CHD6: variants seen among roughly 807,000 people sequenced by gnomAD.
The protein encoded by CHD6 is chromodomain helicase DNA binding protein 6, also known as ATP-dependent chromatin remodeler CHD6.
In CHD6, 50 loss-of-function variants were observed where a neutral mutation model predicts 276.9. That is an observed-to-expected ratio of 0.18 (90% CI 0.14 to 0.23). The LOEUF is 0.23. CHD6 is among the 10% of genes least tolerant of loss of function. The probability of loss-of-function intolerance (pLI) is 1.00; values close to 1 mark genes in which losing one functional copy is unlikely to be tolerated. For synonymous variants in CHD6, 1,173 were observed against 1,229.3 expected, an observed-to-expected ratio of 0.95 and a Z score of 0.96; for missense variants, 2,564 against 3,365.8, an observed-to-expected ratio of 0.76 and a Z score of 5.89.
At position 41,421,366 on chromosome 20, in the gene CHD6, C is replaced by T. The variant is rs762479281; in HGVS notation, c.5269G>A (p.Gly1757Ser). Reference protein sequence around the residue: ...SGGPEAEIASGPTFMGSLEAG... With the variant: ...SGGPEAEIASSPTFMGSLEAG... ...TCTAAGCTACCCATAAAAGTAGGGC[C>T]AGAAGCTATTTCTGCCTCAGGGCCA... Residue 1757 changes from glycine to serine, a missense_variant, in exon 31 of 37, where the codon GGC (glycine) becomes AGC (serine). Physicochemically the swap from Gly to Ser is moderately conservative, Grantham distance 56. Coordinates refer to ENST00000373233, the MANE Select transcript of CHD6 (RefSeq NM_032221.5). 1 of 1,613,980 alleles carries T rather than the reference C, an allele frequency of 6.2e-7. No individual in the cohort carries two copies. Among genetic ancestry groups the T allele is most frequent in the Non-Finnish European group, 8.5e-7 (1 of 1,179,918 alleles).
intron 23 of CHD6, among the ~76,000 whole-genome samples, chr20:41,448,695 C>T (rs1038131647): frequency 5.9e-5 from 9 of 152,142 alleles, no homozygotes; most frequent in African/African-American, 1.9e-4. Flanking sequence ...TCTGTTATAG[C>T]AGCAGAAAAT....
chr20:41,565,635 T>C (rs139441827), intron 1 of CHD6, among the ~76,000 whole-genome samples: 216 of 127,812 alleles, frequency 1.7e-3, no homozygotes, highest in African/African-American at 7.2e-3. Flanking sequence ...TGCCCAAAGC[T>C]TCACATTGAC....
chr20:41,452,825 T>C lies in CHD6; in HGVS notation c.3238A>G (p.Thr1080Ala), dbSNP rs2048279257. Residue 1080 changes from threonine (T) to alanine (A), a missense_variant, in exon 21 of 37, where the codon ACG becomes GCG. By Grantham distance (58) the Thr-to-Ala change is moderately conservative. This residue lies in a region of CHD6 where 515 missense variants were observed against 739.5 expected (regional missense o/e 0.70). Coordinates refer to ENST00000373233, the MANE Select transcript of CHD6 (RefSeq NM_032221.5). The surrounding 1 kb of genome is among the most constrained non-coding windows in gnomAD (Gnocchi z 4.2). The part of the protein sequence containing the change: ...ELDSDSDERP[T>A]RSRRLNDKAR... ...TTGTCATTGAGGCGCCTGGATCTCG[T>C]GGGCCTTTCGTCTGAGTCGCTGTCT... The C allele has an allele frequency of 9.3e-6, 15 of 1,613,526 alleles. No individual in the cohort carries two copies. The East Asian group carries it at 3.3e-4, about 36-fold the overall frequency.
At chr20:41,516,427 G>C (rs1038895550) in intron 3 of CHD6, among the ~76,000 whole-genome samples, 4 of 152,114 alleles carry the variant, frequency 2.6e-5, no homozygotes, top group Non-Finnish European at 5.9e-5. Flanking sequence ...GCCTGCCTCA[G>C]CCTTCCAGAG....
intron 1 of CHD6, among the ~76,000 whole-genome samples, chr20:41,552,689 AT>A (rs1211537933): frequency 6.6e-6 from 1 of 152,156 alleles, no homozygotes; most frequent in Non-Finnish European, 1.5e-5. Flanking sequence ...GTCAATTTAG[AT>A]TTTTCTCCCT....
intron 27 of CHD6, among the ~76,000 whole-genome samples, chr20:41,433,915 G>A (rs1309909533): frequency 2.0e-5 from 3 of 151,118 alleles, no homozygotes; most frequent in Non-Finnish European, 4.5e-5. Context: ...ATAAATATAT[G>A]AAACACCTAG....
At chr20:41,592,258 C>CT (rs953404610) in intron 1 of CHD6, among the ~76,000 whole-genome samples, 26 of 151,868 alleles carry the variant, frequency 1.7e-4, no homozygotes, top group Admixed American at 9.8e-4. Context: ...TACCTAATTT[C>CT]TTTTTTTTAA....
chr20:41,566,141 G>A (rs1312460763), intron 1 of CHD6, among the ~76,000 whole-genome samples: 2 of 152,070 alleles, frequency 1.3e-5, no homozygotes, highest in African/African-American at 4.8e-5. Flanking sequence ...CTGGTCTGAG[G>A]TGACACCCCA....
At chr20:41,440,604 T>C (rs568345180) in intron 25 of CHD6, among the ~76,000 whole-genome samples, 3 of 152,346 alleles carry the variant, frequency 2.0e-5, no homozygotes, top group Non-Finnish European at 4.4e-5. Flanking sequence ...ACCTGTGGCC[T>C]CTGTATCACA....
chr20:41,518,299 C>G (rs1419646424), intron 3 of CHD6, among the ~76,000 whole-genome samples: 1 of 152,178 alleles, frequency 6.6e-6, no homozygotes, highest in Non-Finnish European at 1.5e-5. Flanking sequence ...TGTGCGTGCG[C>G]GCGTGCCCAC....
At chr20:41,545,206 T>C (rs2045017066) in intron 2 of CHD6, among the ~76,000 whole-genome samples, 1 of 152,184 alleles carries the variant, frequency 6.6e-6, no homozygotes, top group South Asian at 2.1e-4. Context: ...CCTTAAGTCT[T>C]CATTTCCTCA....
intron 1 of CHD6, among the ~76,000 whole-genome samples, chr20:41,610,076 C>T (rs2045870833): frequency 1.3e-5 from 2 of 151,914 alleles, no homozygotes. Context: ...AGGCTGGTCT[C>T]GAACTCCTGA....
intron 26 of CHD6, 143 bp from the exon 27 acceptor site, chr20:41,437,477 T>A (rs2179452): frequency 0.26 from 150,985 of 588,518 alleles, 23,661 homozygotes; most frequent in East Asian, 0.56. Flanking sequence ...ACATTCACAT[T>A]ACTTTTATTA....
intron 2 of CHD6, among the ~76,000 whole-genome samples, chr20:41,549,185 C>T (rs1230560696): frequency 6.6e-6 from 1 of 151,918 alleles, no homozygotes; most frequent in Non-Finnish European, 1.5e-5. Flanking sequence ...TATAAAGACA[C>T]ATGCACACGT....
intron 16 of CHD6, among the ~76,000 whole-genome samples, chr20:41,476,381 T>C (rs2043168336): frequency 1.3e-5 from 2 of 151,184 alleles, no homozygotes; most frequent in African/African-American, 4.9e-5. Context: ...TGGCCAGGAG[T>C]AGACTGACAT....
chr20:41,418,295 A>G (rs1349485335), intron 31 of CHD6, among the ~76,000 whole-genome samples: 1 of 152,224 alleles, frequency 6.6e-6, no homozygotes, highest in African/African-American at 2.4e-5. Flanking sequence ...ATCAAGGGAA[A>G]GAAACAAGAC....
intron 17 of CHD6, among the ~76,000 whole-genome samples, chr20:41,469,666 T>C (rs2043009023): frequency 6.6e-6 from 1 of 152,202 alleles, no homozygotes; most frequent in Admixed American, 6.5e-5. Context: ...TTCTAAATGA[T>C]GGTGAGAAAA....
intron 1 of CHD6, among the ~76,000 whole-genome samples, chr20:41,581,653 C>T (rs112301373): frequency 4.1e-5 from 6 of 146,494 alleles, no homozygotes; most frequent in South Asian, 2.2e-4. Flanking sequence ...TCCAGCCTGA[C>T]GACAGAGCGA....
At chr20:41,406,045 C>A (rs993321805) in intron 36 of CHD6, among the ~76,000 whole-genome samples, 3 of 152,158 alleles carry the variant, frequency 2.0e-5, no homozygotes, top group Non-Finnish European at 4.4e-5. Flanking sequence ...TGGTACCTAT[C>A]TTTAGAGTCA....
Sources: allele counts gnomAD v4.1 joint callset (sites outside exome capture counted in the v4.1 genomes callset), GRCh38; gene constraint gnomAD v4.1.1; regional missense constraint gnomAD v4.1.1; non-coding constraint Gnocchi (gnomAD v3.1); transcripts MANE v1.5; gene names NCBI Gene and HGNC (gene_info 2026-07-23, HGNC 2026-07-21).